Variants in LMNTD1 observed in about 807,000 individuals in gnomAD.
LMNTD1 encodes the protein lamin tail domain-containing protein 1.
Under a neutral mutation model 50.9 loss-of-function variants are expected in LMNTD1, and 35 were observed. That is an observed-to-expected ratio of 0.69 (90% confidence interval 0.53 to 0.91). The LOEUF (loss-of-function observed/expected upper bound fraction) is 0.91. LMNTD1 is among the 40% of genes least tolerant of loss of function. The probability of loss-of-function intolerance (pLI) is 0.00; values close to 1 mark genes in which losing one functional copy is unlikely to be tolerated. For missense variants in LMNTD1, 470 were observed against 475.5 expected (o/e 0.99, Z 0.11); for synonymous variants, 153 against 161.9 (o/e 0.94, Z 0.42).
At chr12:25,642,619 A>G (rs1441046239) in intron 1 of LMNTD1, among the ~76,000 whole-genome samples, 2 of 152,254 alleles carry the variant, frequency 1.3e-5, no homozygotes, top group African/African-American at 4.8e-5. Context: ...TGAAGGTGCC[A>G]AAAATTAACA....
chr12:25,495,131 A>G (rs1030084805), intron 9 of LMNTD1, among the ~76,000 whole-genome samples: 40 of 152,138 alleles, frequency 2.6e-4, no homozygotes, highest in Admixed American at 2.2e-3. Context: ...TACTTATCTG[A>G]GAATTTGGAT....
chr12:25,523,174 CA>C (rs2136063010), intron 6 of LMNTD1, among the ~76,000 whole-genome samples: 1 of 152,190 alleles, frequency 6.6e-6, no homozygotes, highest in South Asian at 2.1e-4. Context: ...GCTGGGACTA[CA>C]GGCGGGCACC....
intron 1 of LMNTD1, among the ~76,000 whole-genome samples, chr12:25,626,156 G>A (rs1255467971): frequency 6.6e-6 from 1 of 152,052 alleles, no homozygotes; most frequent in South Asian, 2.1e-4. Context: ...ACAGCTATTC[G>A]ATTAGCCTTT....
chr12:25,602,501 CATA>C (rs1356272170), intron 1 of LMNTD1, among the ~76,000 whole-genome samples: 1 of 151,964 alleles, frequency 6.6e-6, no homozygotes, highest in Admixed American at 6.6e-5. Context: ...GTCAGGAAGT[CATA>C]GGACTACCTT....
chr12:25,526,245 G>A (rs1941699601), intron 5 of LMNTD1, 27 bp from the exon 6 acceptor site: 1 of 1,600,756 alleles, frequency 6.2e-7, no homozygotes, highest in Admixed American at 1.7e-5. Flanking sequence ...AATGACAAAT[G>A]CCACTGGAGT....
chr12:25,638,477 C>T (rs1585786), intron 1 of LMNTD1, among the ~76,000 whole-genome samples: 93,715 of 151,502 alleles, frequency 0.62, 29,353 homozygotes, highest in Non-Finnish European at 0.68. Flanking sequence ...AATAAATGAG[C>T]TCAGCAAAAT....
chr12:25,550,411 T>G (rs997477675), intron 2 of LMNTD1, among the ~76,000 whole-genome samples: 3 of 152,204 alleles, frequency 2.0e-5, no homozygotes, highest in African/African-American at 7.2e-5. Flanking sequence ...CATGTGTGTA[T>G]GCATGCGTGT....
At chr12:25,542,712 A>T (rs1432907104) in intron 4 of LMNTD1, among the ~76,000 whole-genome samples, 1 of 148,764 alleles carries the variant, frequency 6.7e-6, no homozygotes, top group Non-Finnish European at 1.5e-5. Flanking sequence ...CCTAAAACTT[A>T]AAGTATAATA....
chr12:25,612,046 A>G (rs766197195), intron 1 of LMNTD1, among the ~76,000 whole-genome samples: 4 of 152,168 alleles, frequency 2.6e-5, no homozygotes, highest in African/African-American at 7.2e-5. Context: ...TTGTTTTACC[A>G]TCTTAGCCTT....
chr12:25,506,108 T>C (rs748541361), intron 8 of LMNTD1, among the ~76,000 whole-genome samples: 30 of 152,250 alleles, frequency 2.0e-4, no homozygotes, highest in Non-Finnish European at 4.0e-4. Context: ...TAAATTATAA[T>C]GAGCCCACAG....
intron 9 of LMNTD1, among the ~76,000 whole-genome samples, chr12:25,484,750 C>T (rs957162806): frequency 2.1e-5 from 3 of 144,390 alleles, no homozygotes; most frequent in Admixed American, 1.4e-4. Context: ...TGAGAATATG[C>T]GGTGTTTGGT....
At chr12:25,648,389 C>G in intron 1 of LMNTD1, 1 of 885,820 alleles carries the variant, frequency 1.1e-6, no homozygotes, top group African/African-American at 1.7e-5. Context: ...TCAGTGATGA[C>G]AGATATGACC....
intron 9 of LMNTD1, among the ~76,000 whole-genome samples, chr12:25,496,051 A>T (rs1939052924): frequency 6.6e-6 from 1 of 152,188 alleles, no homozygotes; most frequent in Non-Finnish European, 1.5e-5. Flanking sequence ...ATCTTCAAAA[A>T]TAAGGAAAAC....
intron 1 of LMNTD1, among the ~76,000 whole-genome samples, chr12:25,627,834 G>A (rs1384693343): frequency 6.6e-6 from 1 of 152,060 alleles, no homozygotes; most frequent in Admixed American, 6.6e-5. Context: ...GATGGGCCGG[G>A]CGCGGTGGCT....
chr12:25,546,336 C>T (rs753541762), intron 4 of LMNTD1, 38 bp downstream of exon 4: 27 of 1,366,158 alleles, frequency 2.0e-5, no homozygotes, highest in African/African-American at 5.9e-5. Flanking sequence ...GGTCCTACCC[C>T]GACAGAAGAT....
intron 1 of LMNTD1, among the ~76,000 whole-genome samples, chr12:25,618,519 A>G (rs1691951054): frequency 6.6e-6 from 1 of 152,166 alleles, no homozygotes; most frequent in South Asian, 2.1e-4. Flanking sequence ...AGGTTGGAGC[A>G]ACATGTTAAG....
intron 9 of LMNTD1, among the ~76,000 whole-genome samples, chr12:25,480,762 C>G (rs903863182): frequency 2.6e-5 from 4 of 152,154 alleles, no homozygotes; most frequent in African/African-American, 9.7e-5. Context: ...ATGCATATGT[C>G]TTTATAGTCC....
At chr12:25,528,079 A>G (rs2136100893) in intron 4 of LMNTD1, among the ~76,000 whole-genome samples, 1 of 152,222 alleles carries the variant, frequency 6.6e-6, no homozygotes, top group East Asian at 1.9e-4. Context: ...GAAATATGTA[A>G]GTCCCCAAGT....
chr12:25,594,345 T>A (rs1945786834), intron 1 of LMNTD1, among the ~76,000 whole-genome samples: 1 of 152,094 alleles, frequency 6.6e-6, no homozygotes, highest in Non-Finnish European at 1.5e-5. Context: ...GGACAACCCA[T>A]CCAATTAACA....
Sources: gnomAD v4.1 joint callset for allele counts (sites outside exome capture counted in the v4.1 genomes callset) on GRCh38, gnomAD v4.1.1 for gene constraint, MANE v1.5 for transcripts, NCBI Gene and HGNC (gene_info 2026-07-23, HGNC 2026-07-21) for gene names.